The following ZSWIM5 variants were observed in gnomAD, a reference collection of about 807,000 sequenced individuals.
The protein encoded by ZSWIM5 is zinc finger SWIM domain-containing protein 5.
A neutral mutation model predicts 119.6 loss-of-function variants in ZSWIM5; 55 were observed. That is an observed-to-expected ratio of 0.46 (90% confidence interval 0.37 to 0.58). ZSWIM5 has a LOEUF of 0.58. Ranked by LOEUF, ZSWIM5 falls within the 20% of genes least tolerant of loss-of-function variation. The pLI, the probability that ZSWIM5 is intolerant of heterozygous loss-of-function variation, is 0.00. For synonymous variants in ZSWIM5, 537 were observed against 606.9 expected, an observed-to-expected ratio of 0.88 and a Z score of 1.69; for missense variants, 1,193 against 1,512.8, an observed-to-expected ratio of 0.79 and a Z score of 3.51.
chr1:45,027,121 T>C lies in ZSWIM5; in HGVS notation c.2450-6333A>G, dbSNP rs963862733. Among the ~76,000 whole-genome samples the C allele has an allele frequency of 9.9e-5, 15 of 151,876 alleles. 1 individual carries two copies. The highest frequency in any genetic ancestry group is 5.2e-4 in the Admixed American group (8 of 15,256). Reference sequence around the variant, plus strand: ...TCTCCTCTTTTTTTTTTTTCGTGGTTAGCCTAAAGGTTTATCAATTTTATT... The same window carrying C: ...TCTCCTCTTTTTTTTTTTTCGTGGTCAGCCTAAAGGTTTATCAATTTTATT... On this transcript the variant is annotated intron_variant, in intron 11 of 13. Coordinates refer to ENST00000359600, the MANE Select transcript of ZSWIM5 (RefSeq NM_020883.2).
At chr1:45,200,416 A>G (rs981334447) in intron 1 of ZSWIM5, among the ~76,000 whole-genome samples, 13 of 152,230 alleles carry the variant, frequency 8.5e-5, no homozygotes, top group African/African-American at 3.1e-4. Flanking sequence ...AAAAAAATTC[A>G]CATAAAAATT....
chr1:45,038,837 C>A, intron 8 of ZSWIM5, 99 bp downstream of exon 8: 2 of 1,451,140 alleles, frequency 1.4e-6, no homozygotes, highest in Non-Finnish European at 9.4e-7. Flanking sequence ...CTCAAGTAAT[C>A]CACCCACCTT....
chr1:45,108,206 T>A (rs759118250), intron 1 of ZSWIM5, among the ~76,000 whole-genome samples: 1 of 152,228 alleles, frequency 6.6e-6, no homozygotes, highest in Non-Finnish European at 1.5e-5. Flanking sequence ...ACAAGGTACA[T>A]ATGTTGCCAA....
At chr1:45,046,141 G>C (rs1210305260) in intron 5 of ZSWIM5, among the ~76,000 whole-genome samples, 3 of 152,032 alleles carry the variant, frequency 2.0e-5, no homozygotes. Flanking sequence ...AGATGACTTT[G>C]GGTTTTTGAG....
At chr1:45,118,003 A>T (rs1012259684) in intron 1 of ZSWIM5, among the ~76,000 whole-genome samples, 1 of 151,982 alleles carries the variant, frequency 6.6e-6, no homozygotes, top group Non-Finnish European at 1.5e-5. Context: ...TGGGAGGCAG[A>T]GCTTGCAGAG....
intron 4 of ZSWIM5, among the ~76,000 whole-genome samples, chr1:45,052,965 T>C (rs558624826): frequency 6.6e-6 from 1 of 151,350 alleles, no homozygotes; most frequent in African/African-American, 2.4e-5. Flanking sequence ...CTACTAAAAA[T>C]ACAAAAAATT....
chr1:45,179,491 C>G (rs1646002297), intron 1 of ZSWIM5, among the ~76,000 whole-genome samples: 1 of 152,122 alleles, frequency 6.6e-6, no homozygotes, highest in South Asian at 2.1e-4. Flanking sequence ...CTATTGGGTA[C>G]TATGCTCACT....
At chr1:45,150,880 A>T (rs1645793127) in intron 1 of ZSWIM5, among the ~76,000 whole-genome samples, 1 of 152,212 alleles carries the variant, frequency 6.6e-6, no homozygotes, top group Admixed American at 6.5e-5. Context: ...GACCTAGATA[A>T]CATCACCTAA....
chr1:45,034,945 C>A (rs1644974052), intron 10 of ZSWIM5, among the ~76,000 whole-genome samples: 2 of 152,008 alleles, frequency 1.3e-5, no homozygotes, highest in South Asian at 2.1e-4. Context: ...ACATGCCTGG[C>A]TAATTTTTGT....
intron 4 of ZSWIM5, among the ~76,000 whole-genome samples, chr1:45,053,414 G>T (rs1030922958): frequency 6.6e-6 from 1 of 151,934 alleles, no homozygotes; most frequent in Non-Finnish European, 1.5e-5. Flanking sequence ...AAAGAAACAG[G>T]GTGCTAATTC....
At chr1:45,144,520 C>A (rs1197311704) in intron 1 of ZSWIM5, among the ~76,000 whole-genome samples, 1 of 152,058 alleles carries the variant, frequency 6.6e-6, no homozygotes, top group African/African-American at 2.4e-5. Flanking sequence ...TGGACAACAG[C>A]GTGAGACCCT....
intron 1 of ZSWIM5, among the ~76,000 whole-genome samples, chr1:45,155,579 G>A (rs890080715): frequency 6.6e-6 from 1 of 152,168 alleles, no homozygotes; most frequent in Non-Finnish European, 1.5e-5. Context: ...GCACATGCAT[G>A]TTTACGGCAG....
At chr1:45,082,459 C>T (rs1399875032) in intron 2 of ZSWIM5, among the ~76,000 whole-genome samples, 1 of 152,120 alleles carries the variant, frequency 6.6e-6, no homozygotes, top group Non-Finnish European at 1.5e-5. Flanking sequence ...ATTATCAAAA[C>T]CATCAGTGCC....
chr1:45,051,836 G>T (rs944669703), intron 4 of ZSWIM5, among the ~76,000 whole-genome samples: 8 of 152,060 alleles, frequency 5.3e-5, no homozygotes, highest in African/African-American at 1.9e-4. Flanking sequence ...ACTTTGTAGG[G>T]ATATTGTGAG....
chr1:45,064,858 T>C (rs1228896015), intron 2 of ZSWIM5, among the ~76,000 whole-genome samples: 1 of 152,212 alleles, frequency 6.6e-6, no homozygotes, highest in Non-Finnish European at 1.5e-5. Context: ...CCAAAGCCTG[T>C]CTCTTTACTA....
At chr1:45,077,330 G>A (rs568249509) in intron 2 of ZSWIM5, among the ~76,000 whole-genome samples, 1 of 152,176 alleles carries the variant, frequency 6.6e-6, no homozygotes, top group Non-Finnish European at 1.5e-5. Context: ...GTACAAAAGA[G>A]AGAAATTTTA....
At chr1:45,026,756 G>A (rs1239840051) in intron 11 of ZSWIM5, among the ~76,000 whole-genome samples, 1 of 152,044 alleles carries the variant, frequency 6.6e-6, no homozygotes, top group Non-Finnish European at 1.5e-5. Context: ...TGTTTCCTCT[G>A]CTTCTATTTT....
At chr1:45,197,930 C>A (rs1487266833) in intron 1 of ZSWIM5, among the ~76,000 whole-genome samples, 1 of 152,180 alleles carries the variant, frequency 6.6e-6, no homozygotes, top group African/African-American at 2.4e-5. Flanking sequence ...GTATATGGGG[C>A]AATGCCCCAA....
chr1:45,018,907 A>T lies in ZSWIM5; in HGVS notation c.3105T>A (p.Thr1035=), dbSNP rs1325291220. 6.2e-7 allele frequency: 1 copy of T among 1,614,100 alleles called. No homozygotes were observed. The highest frequency in any genetic ancestry group is 1.7e-5 in the Admixed American group (1 of 60,008). Reference sequence around the variant, plus strand: ...AGAGCACATCATTGATGGCTGGGTGAGTATCCTGGTTGTAGGCCAGGTTAA... The same window carrying T: ...AGAGCACATCATTGATGGCTGGGTGTGTATCCTGGTTGTAGGCCAGGTTAA... ...SHLNLAYNQD[T]HPAINDVLWA... Residue 1035 remains threonine, a synonymous_variant, in exon 14 of 14, where the codon ACT becomes ACA. Coordinates refer to ENST00000359600, the MANE Select transcript of ZSWIM5 (RefSeq NM_020883.2). The surrounding 1 kb of genome is among the most constrained non-coding windows in gnomAD (Gnocchi z 6.7).
Sources: allele counts gnomAD v4.1 joint callset (sites outside exome capture counted in the v4.1 genomes callset), GRCh38; gene constraint gnomAD v4.1.1; non-coding constraint Gnocchi (gnomAD v3.1); transcripts MANE v1.5; gene names NCBI Gene and HGNC (gene_info 2026-07-23, HGNC 2026-07-21).